Variants in ADAMTS20 observed in about 807,000 individuals in gnomAD.
The protein encoded by ADAMTS20 is ADAM metallopeptidase with thrombospondin type 1 motif 20, also known as A disintegrin and metalloproteinase with thrombospondin motifs 20.
ADAMTS20 carries 225 observed loss-of-function variants against 260.1 expected under a neutral mutation model. That is an observed-to-expected ratio of 0.87 (90% CI 0.78 to 0.97). The LOEUF is 0.97. ADAMTS20 is among the 50% of genes least tolerant of loss of function. ADAMTS20 has a pLI of 0.00. For missense variants in ADAMTS20, 2,400 were observed against 2,337.7 expected (o/e 1.03, Z -0.55); for synonymous variants, 802 against 769.5 (o/e 1.04, Z -0.70).
intron 2 of ADAMTS20, among the ~76,000 whole-genome samples, chr12:43,534,880 G>A (rs1943273274): frequency 6.6e-6 from 1 of 152,086 alleles, no homozygotes; most frequent in Admixed American, 6.6e-5. Flanking sequence ...GTGCATGTAG[G>A]ATGGACTAGG....
intron 29 of ADAMTS20, among the ~76,000 whole-genome samples, chr12:43,393,927 G>C (rs1258313435): frequency 6.6e-6 from 1 of 151,978 alleles, no homozygotes; most frequent in East Asian, 1.9e-4. Flanking sequence ...TTTTTAATCT[G>C]CAATATTAGC....
At chr12:43,364,652 TTAA>T (rs769851664) in intron 37 of ADAMTS20, among the ~76,000 whole-genome samples, 2 of 151,972 alleles carry the variant, frequency 1.3e-5, no homozygotes, top group East Asian at 1.9e-4. Context: ...TAAAGGGATG[TTAA>T]TGATGCAATC....
At chr12:43,462,187 A>G (rs558348643) in intron 11 of ADAMTS20, among the ~76,000 whole-genome samples, 3 of 152,354 alleles carry the variant, frequency 2.0e-5, no homozygotes, top group South Asian at 2.1e-4. Flanking sequence ...AAGAGGCACA[A>G]TTAGCCAATC....
chr12:43,475,433 T>G (rs1942335609), intron 7 of ADAMTS20, among the ~76,000 whole-genome samples: 1 of 140,136 alleles, frequency 7.1e-6, no homozygotes, highest in Non-Finnish European at 1.6e-5. Context: ...ATTTACAGAT[T>G]CAATGCCATC....
At chr12:43,382,515 C>T (rs1167811963) in intron 31 of ADAMTS20, among the ~76,000 whole-genome samples, 3 of 151,928 alleles carry the variant, frequency 2.0e-5, no homozygotes, top group African/African-American at 7.3e-5. Context: ...CTTATGGGTG[C>T]AGATATTTTT....
At chr12:43,394,893 C>T (rs1014169064) in intron 29 of ADAMTS20, among the ~76,000 whole-genome samples, 2 of 152,038 alleles carry the variant, frequency 1.3e-5, no homozygotes, top group Non-Finnish European at 2.9e-5. Flanking sequence ...GTAATAAAAC[C>T]TGCATTTGTG....
chr12:43,376,292 T>G lies in ADAMTS20; in HGVS notation c.5164A>C (p.Asn1722His), dbSNP rs1284447715. The part of the protein sequence containing the change: ...FTTCKEIQVK[N>H]HIRKDGDYYL... ...TAGTCACCATCCTTTCTAATGTGGT[T>G]TTTCACTTGAATTTCTTTGCAGGTG... The change falls in exon 34 of 39, where the codon AAC becomes CAC. Residue 1722 changes from asparagine to histidine, a missense_variant. Transcript: ENST00000389420. 7 of 1,555,798 alleles carry G rather than the reference T, an allele frequency of 4.5e-6. No homozygotes were observed. The highest frequency in any genetic ancestry group is 6.1e-6 in the Non-Finnish European group (7 of 1,148,468).
chr12:43,523,215 T>C (rs1236374900), intron 3 of ADAMTS20, among the ~76,000 whole-genome samples: 1 of 152,130 alleles, frequency 6.6e-6, no homozygotes, highest in Non-Finnish European at 1.5e-5. Flanking sequence ...GCCTTAACCA[T>C]ATCCAGAGCT....
Position 43,376,058 on chromosome 12 carries a change from T to C in ADAMTS20, c.5311A>G (p.Arg1771Gly). The change falls in exon 35 of 39, where the codon AGA becomes GGA. Residue 1771 changes from arginine to glycine, a missense_variant and splice_region_variant. By Grantham distance (125) the Arg-to-Gly change is moderately radical (BLOSUM62 -2). Transcript: ENST00000389420. Reference sequence around the variant, plus strand: ...GATAGACCAAAACACATCTCGTACCTAAAGCCATACACTTCAGAAAAGTTT... The same window carrying C: ...GATAGACCAAAACACATCTCGTACCCAAAGCCATACACTTCAGAAAAGTTT... ...EENFSEVYGF[R>G]LKNPYQCPFN... is the part of the protein sequence containing the mutation. 6.3e-7 allele frequency: 1 copy of C among 1,599,454 alleles called. No individual in the cohort carries two copies. The highest frequency in any genetic ancestry group is 1.3e-5 in the African/African-American group (1 of 74,312).
intron 28 of ADAMTS20, among the ~76,000 whole-genome samples, chr12:43,421,516 T>C (rs1938200526): frequency 6.6e-6 from 1 of 152,168 alleles, no homozygotes; most frequent in East Asian, 1.9e-4. Context: ...TTAAGTAATA[T>C]GAATTTACTT....
chr12:43,380,540 T>C (rs887298855), intron 31 of ADAMTS20, among the ~76,000 whole-genome samples: 1 of 152,256 alleles, frequency 6.6e-6, no homozygotes, highest in South Asian at 2.1e-4. Flanking sequence ...AAATCCCATT[T>C]AATCCACACA....
chr12:43,515,630 C>G (rs941934152), intron 3 of ADAMTS20, among the ~76,000 whole-genome samples: 4 of 151,960 alleles, frequency 2.6e-5, no homozygotes, highest in Non-Finnish European at 4.4e-5. Flanking sequence ...CAAAGTAAAT[C>G]TAGTGTTAAA....
At chr12:43,447,055 A>T (rs1038680936) in intron 14 of ADAMTS20, among the ~76,000 whole-genome samples, 1 of 152,124 alleles carries the variant, frequency 6.6e-6, no homozygotes, top group African/African-American at 2.4e-5. Context: ...GAATTCTACT[A>T]GATGTACAAA....
At chr12:43,403,742 A>C (rs1185182646) in intron 28 of ADAMTS20, among the ~76,000 whole-genome samples, 9 of 152,176 alleles carry the variant, frequency 5.9e-5, no homozygotes. Context: ...AGAGTACTGC[A>C]GAATATCACA....
Position 43,439,756 on chromosome 12 carries a change from A to G in ADAMTS20, c.2464-5T>C, listed in dbSNP as rs1941625382. On this transcript the variant is annotated splice_region_variant and splice_polypyrimidine_tract_variant and intron_variant, in intron 17 of 38. Coordinates refer to ENST00000389420, the MANE Select transcript of ADAMTS20 (RefSeq NM_025003.5). ...TAAATTACCCACACACAACACCTCA[A>G]TAAGAATATAAAAGAACATACAATT... is the stretch of plus-strand genomic sequence containing the variant. 1.9e-6 allele frequency: 3 copies of G among 1,601,328 alleles called. No homozygotes were observed. The highest frequency in any genetic ancestry group is 1.3e-5 in the African/African-American group (1 of 74,380).
chr12:43,399,124 G>A lies in ADAMTS20; in HGVS notation c.4394C>T (p.Thr1465Ile), dbSNP rs919812787. The change falls in exon 29 of 39, where the codon ACT becomes ATT. Residue 1465 changes from threonine (T) to isoleucine (I), a missense_variant. Coordinates refer to ENST00000389420, the MANE Select transcript of ADAMTS20 (RefSeq NM_025003.5). ...TNCSQVQKPP[T>I]HKACRSVRCP... ...TCTGACAGATCTACAGGCTTTGTGA[G>A]TTGGAGGTTTCTGTACTTGACTGCA... 4 of 1,552,716 alleles carry A rather than the reference G, an allele frequency of 2.6e-6. No homozygotes were observed. Among genetic ancestry groups the A allele is most frequent in the Middle Eastern group, 1.7e-4 (1 of 6,010 alleles).
Position 43,428,635 on chromosome 12 carries a change from G to A in ADAMTS20, c.3654C>T (p.Pro1218=), listed in dbSNP as rs143659208. 4.1e-5 allele frequency: 64 copies of A among 1,570,386 alleles called. No homozygotes were observed. In the African/African-American group the frequency reaches 6.3e-4, roughly 15 times the overall value. Residue 1218 remains proline (P), a splice_region_variant and synonymous_variant, in exon 25 of 39, where the codon CCC becomes CCT. Coordinates refer to ENST00000389420, the MANE Select transcript of ADAMTS20 (RefSeq NM_025003.5). Reference sequence around the variant, plus strand: ...CTTTTTTTCTCATAAGAATACTTACGGGTGACCAATCCCCTGCTTGCCACT... The same window carrying A: ...CTTTTTTTCTCATAAGAATACTTACAGGTGACCAATCCCCTGCTTGCCACT... ...CGEWQAGDWS[P]CSASCGHGKT...
At chr12:43,445,016 T>C (rs566194992) in intron 15 of ADAMTS20, among the ~76,000 whole-genome samples, 2 of 152,322 alleles carry the variant, frequency 1.3e-5, no homozygotes, top group East Asian at 3.9e-4. Flanking sequence ...ATTAACCTCC[T>C]TTTCACTATA....
chr12:43,376,542 T>C lies in ADAMTS20; in HGVS notation c.5107A>G (p.Lys1703Glu). ...LNHLKPGAQKKCYANDCKSFT... is the reference protein window; with the variant it reads ...LNHLKPGAQKECYANDCKSFT... ...TACTTACAGTCATTGGCATAACATT[T>C]CTTTTGAGCACCTGGTTTTAAATGG... is the stretch of plus-strand genomic sequence containing the variant. Residue 1703 changes from lysine (K) to glutamate (E), a missense_variant, in exon 33 of 39, where the codon AAA becomes GAA. Coordinates refer to ENST00000389420, the MANE Select transcript of ADAMTS20 (RefSeq NM_025003.5). 6.2e-7 allele frequency: 1 copy of C among 1,612,834 alleles called. No individual in the cohort carries two copies. Among genetic ancestry groups the C allele is most frequent in the East Asian group, 2.2e-5 (1 of 44,862 alleles).
Sources: allele counts gnomAD v4.1 joint callset (sites outside exome capture counted in the v4.1 genomes callset), GRCh38; gene constraint gnomAD v4.1.1; transcripts MANE v1.5; gene names NCBI Gene and HGNC (gene_info 2026-07-23, HGNC 2026-07-21).